The following CSMD1 variants were observed in gnomAD, a reference collection of about 807,000 sequenced individuals.
CSMD1 encodes CUB and sushi domain-containing protein 1.
In CSMD1, 213 loss-of-function variants were observed where a neutral mutation model predicts 417.5. The ratio of observed to expected loss-of-function variants is 0.51; its 90% CI spans 0.46 to 0.57. The LOEUF (loss-of-function observed/expected upper bound fraction) is 0.57, where lower values mean the gene tolerates loss of function less well. Among genes scored for constraint, CSMD1 ranks in the 20% least tolerant of loss-of-function variants. The pLI is 0.00. For missense variants in CSMD1, 6,923 were observed against 4,529.7 expected, an observed-to-expected ratio of 1.53 and a Z score of -15.17; for synonymous variants, 2,862 against 1,736.8, an observed-to-expected ratio of 1.65 and a Z score of -16.11.
chr8:4,150,516 TTC>T (rs1207726051), intron 3 of CSMD1, among the ~76,000 whole-genome samples: 2 of 152,206 alleles, frequency 1.3e-5, no homozygotes, highest in Non-Finnish European at 2.9e-5. Context: ...AAGGCAGAAT[TTC>T]TCTTTCTGTT....
At chr8:3,780,103 G>A (rs1213959190) in intron 5 of CSMD1, among the ~76,000 whole-genome samples, 1 of 152,204 alleles carries the variant, frequency 6.6e-6, no homozygotes, top group Non-Finnish European at 1.5e-5. Context: ...AGTCGGTGTT[G>A]CATTAGAAGG....
intron 5 of CSMD1, among the ~76,000 whole-genome samples, chr8:3,789,400 TTA>T (rs1268302055): frequency 2.9e-5 from 1 of 34,394 alleles, no homozygotes; most frequent in Non-Finnish European, 7.1e-5. Context: ...GTTTTTTTTT[TTA>T]AGTAAGTTTT....
intron 29 of CSMD1, 138 bp from the exon 30 acceptor site, chr8:3,214,829 A>G: frequency 2.0e-6 from 1 of 501,506 alleles, no homozygotes; most frequent in Non-Finnish European, 3.4e-6. Flanking sequence ...ATGCTCAAAG[A>G]ATATTTATTG....
chr8:4,348,612 G>C lies in CSMD1; in HGVS notation c.415+71341C>G, dbSNP rs557944936. On this transcript the variant is annotated intron_variant, in intron 3 of 69. Transcript: ENST00000635120. ...ATGTGTGTGTGCGTGGGTGTGTTGG[G>C]GGTGGGGGAGGGAGGGGAGAGGGGG... 3.2e-3 allele frequency among the ~76,000 whole-genome samples: 461 copies of C among 145,772 alleles called. 3 individuals carry two copies. The highest frequency in any genetic ancestry group is 0.012 in the African/African-American group (451 of 38,534).
At chr8:4,353,629 C>T (rs1458038870) in intron 3 of CSMD1, among the ~76,000 whole-genome samples, 1 of 151,892 alleles carries the variant, frequency 6.6e-6, no homozygotes, top group Non-Finnish European at 1.5e-5. Context: ...AGAGTCACGC[C>T]CAACGGGACA....
At chr8:3,308,539 A>G (rs1230733263) in intron 23 of CSMD1, 36 bp from the exon 24 acceptor site, 1 of 1,542,382 alleles carries the variant, frequency 6.5e-7, no homozygotes. Flanking sequence ...AACAGAACTC[A>G]AGGGTGGACA....
At chr8:3,123,609 G>GAA (rs11390313) in intron 41 of CSMD1, among the ~76,000 whole-genome samples, 17 of 150,894 alleles carry the variant, frequency 1.1e-4, no homozygotes, top group African/African-American at 3.4e-4. Context: ...AAAACGTTAA[G>GAA]AAAAAAAAAC....
intron 3 of CSMD1, among the ~76,000 whole-genome samples, chr8:4,393,364 G>C: frequency 6.6e-6 from 1 of 152,146 alleles, no homozygotes; most frequent in East Asian, 1.9e-4. Context: ...AAATTGCCAA[G>C]GCCAAGAAAC....
intron 5 of CSMD1, among the ~76,000 whole-genome samples, chr8:3,867,845 G>T (rs1267286813): frequency 1.3e-5 from 2 of 152,004 alleles, no homozygotes; most frequent in Non-Finnish European, 2.9e-5. Flanking sequence ...CCATTTCCAG[G>T]ATTGAAGAAG....
intron 5 of CSMD1, among the ~76,000 whole-genome samples, chr8:3,798,247 A>G (rs918719228): frequency 1.3e-4 from 20 of 152,100 alleles, no homozygotes; most frequent in Middle Eastern, 6.8e-3. Context: ...TTTTATTTTC[A>G]TAATGGTACT....
At chr8:4,680,646 C>A (rs1230555872) in intron 1 of CSMD1, among the ~76,000 whole-genome samples, 2 of 152,234 alleles carry the variant, frequency 1.3e-5, no homozygotes, top group South Asian at 2.1e-4. Context: ...GTGGCATGAT[C>A]TTGGCTCACT....
At chr8:3,785,846 G>C (rs1381166576) in intron 5 of CSMD1, among the ~76,000 whole-genome samples, 3 of 152,182 alleles carry the variant, frequency 2.0e-5, no homozygotes, top group Non-Finnish European at 2.9e-5. Flanking sequence ...TGAGGGCTTT[G>C]GGAAGTAGAG....
At chr8:4,020,369 A>G (rs1193214723) in intron 4 of CSMD1, among the ~76,000 whole-genome samples, 1 of 152,190 alleles carries the variant, frequency 6.6e-6, no homozygotes, top group Admixed American at 6.5e-5. Context: ...AAGATGTTGT[A>G]TTTCATTTAA....
chr8:4,953,301 C>G lies in CSMD1; in HGVS notation c.85+41031G>C, dbSNP rs143128548. Among the ~76,000 whole-genome samples, 7 of 152,140 alleles carry G rather than the reference C, an allele frequency of 4.6e-5. No homozygotes were observed. The East Asian group carries it at 1.4e-3, about 29-fold the overall frequency. On this transcript the variant is annotated intron_variant, in intron 1 of 69. Transcript: ENST00000635120. ...AACTAAATCAGTCTTTTAGAAAGTA[C>G]AATATCTATTCACAATTGAACTTGT... is the stretch of plus-strand genomic sequence containing the variant.
chr8:3,642,917 T>A (rs1295135235), intron 7 of CSMD1, among the ~76,000 whole-genome samples: 3 of 151,808 alleles, frequency 2.0e-5, no homozygotes, highest in African/African-American at 7.3e-5. Flanking sequence ...AATGTAACTT[T>A]CTGAAGATAA....
chr8:3,743,615 G>A (rs12549613), intron 6 of CSMD1, among the ~76,000 whole-genome samples: 40 of 152,158 alleles, frequency 2.6e-4, no homozygotes, highest in African/African-American at 8.9e-4. Flanking sequence ...ACTAGGTCTC[G>A]AAAACCTTCC....
At chr8:4,198,911 C>T (rs1027187929) in intron 3 of CSMD1, among the ~76,000 whole-genome samples, 2 of 151,824 alleles carry the variant, frequency 1.3e-5, no homozygotes, top group African/African-American at 2.4e-5. Flanking sequence ...TACTTTCCTT[C>T]CACGCAGGTT....
intron 1 of CSMD1, among the ~76,000 whole-genome samples, chr8:4,681,811 T>G (rs1158836379): frequency 6.6e-6 from 1 of 152,144 alleles, no homozygotes; most frequent in Non-Finnish European, 1.5e-5. Context: ...TTTAAGAAAG[T>G]CATAAAACCT....
intron 8 of CSMD1, among the ~76,000 whole-genome samples, chr8:3,608,763 CAA>C (rs10655689): frequency 1.3e-4 from 18 of 139,186 alleles, no homozygotes; most frequent in South Asian, 9.3e-4. Flanking sequence ...GACTCTGTCT[CAA>C]AAAAAAAAAA....
Sources: allele counts gnomAD v4.1 joint callset (sites outside exome capture counted in the v4.1 genomes callset), GRCh38; gene constraint gnomAD v4.1.1; transcripts MANE v1.5; gene names NCBI Gene and HGNC (gene_info 2026-07-23, HGNC 2026-07-21).